The following C4orf50 variants were observed in gnomAD, a reference collection of about 807,000 sequenced individuals.
C4orf50 encodes chromosome 4 open reading frame 50.
A neutral mutation model predicts 77.2 loss-of-function variants in C4orf50; 80 were observed. The ratio of observed to expected loss-of-function variants is 1.04; its 90% CI spans 0.87 to 1.25. C4orf50 has a LOEUF of 1.25. Among genes scored for constraint, C4orf50 ranks in the 50% most tolerant of loss-of-function variants. C4orf50 has a pLI of 0.00. For synonymous variants in C4orf50, 532 were observed against 465.3 expected (o/e 1.14, Z -1.84); for missense variants, 1,257 against 1,152.9 (o/e 1.09, Z -1.31).
At chr4:5,990,686 C>T (rs569891186) in exon 28 of C4orf50, 3 of 399,032 alleles carry the variant, frequency 7.5e-6, no homozygotes, top group Non-Finnish European at 8.8e-6. Flanking sequence ...AAGGCTTCTG[C>T]AGCTGGGTCA....
intron 7 of C4orf50, among the ~76,000 whole-genome samples, chr4:5,920,305 G>T (rs983686967): frequency 6.6e-6 from 1 of 152,134 alleles, no homozygotes; most frequent in Non-Finnish European, 1.5e-5. Context: ...TTTTACATCT[G>T]TGAGGAGGGT....
In C4orf50 at chr4:6,008,153, C is replaced by A; in HGVS notation, c.806G>T (p.Arg269Leu). The A allele has an allele frequency of 2.5e-6, 1 of 398,890 alleles. No individual in the cohort carries two copies. Among genetic ancestry groups the A allele is most frequent in the Non-Finnish European group, 4.4e-6 (1 of 226,010 alleles). 24.7% of individuals were successfully genotyped at this position (398,890 alleles called of 1,614,324 possible). A position where few individuals can be genotyped will look rare whatever the true frequency, so the allele number is the denominator to read the frequency against. ...CTCCTCCAGCTGCCCGCGGAGCTGG[C>A]GCTCGGTGGCCCGGTGCTCCTGCAG... Residue 269 changes from arginine (R) to leucine (L), a missense_variant, in exon 25 of 34, where the codon CGC (arginine) becomes CTC (leucine). Physicochemically the swap from Arg to Leu is moderately radical, Grantham distance 102. Coordinates refer to ENST00000531445, the Ensembl canonical transcript of C4orf50. The surrounding 1 kb of genome is among the most constrained non-coding windows in gnomAD (Gnocchi z 6.0).
At chr4:5,969,742 G>A (rs1719791850) in intron 31 of C4orf50, among the ~76,000 whole-genome samples, 2 of 152,160 alleles carry the variant, frequency 1.3e-5, no homozygotes. Context: ...AAGATAACAG[G>A]TGGCTTAGGT....
intron 7 of C4orf50, among the ~76,000 whole-genome samples, chr4:5,910,936 G>A (rs1417189918): frequency 1.4e-5 from 2 of 137,998 alleles, no homozygotes; most frequent in Non-Finnish European, 3.1e-5. Context: ...TTGAGACGGA[G>A]TCTCTGTCGC....
chr4:5,987,935 A>T (rs1720967647), intron 28 of C4orf50, among the ~76,000 whole-genome samples: 2 of 152,172 alleles, frequency 1.3e-5, no homozygotes, highest in Non-Finnish European at 2.9e-5. Context: ...TCTACAGTCC[A>T]TTGTTCTTTT....
intron 7 of C4orf50, among the ~76,000 whole-genome samples, chr4:5,943,637 C>T (rs537143252): frequency 9.8e-5 from 15 of 152,300 alleles, no homozygotes; most frequent in South Asian, 4.1e-4. Flanking sequence ...CATCAAGAGA[C>T]GCTTTACAAA....
intron 7 of C4orf50, among the ~76,000 whole-genome samples, chr4:5,931,764 C>T (rs1487366032): frequency 6.6e-6 from 1 of 152,062 alleles, no homozygotes; most frequent in African/African-American, 2.4e-5. Context: ...GTTTGCACAC[C>T]CCTCCCTCCC....
intron 33 of C4orf50, among the ~76,000 whole-genome samples, chr4:5,959,907 C>T (rs887317708): frequency 5.9e-5 from 9 of 152,174 alleles, no homozygotes; most frequent in Non-Finnish European, 1.2e-4. Context: ...ACAATACAGT[C>T]ATGAGCGGGC....
chr4:6,004,342 G>T (rs1465701449), intron 25 of C4orf50, among the ~76,000 whole-genome samples: 1 of 127,684 alleles, frequency 7.8e-6, no homozygotes. Flanking sequence ...GATGGTGATG[G>T]TGATGATGAC....
rs745340308 is a variant in C4orf50 at position 5,980,183 on chromosome 4, G to A, written c.3855C>T (p.Leu1285=). 1.9e-5 allele frequency: 30 copies of A among 1,597,766 alleles called. 1 individual carries two copies. In the Middle Eastern group the frequency reaches 7.0e-4, roughly 37 times the overall value. ...AAAGCACTTCCCACACCTTGGCCTG[G>A]AGCTCCTCCTGGAGGCGGGTGGCCT... The change falls in exon 29 of 34, where the codon CTC becomes CTT. Residue 1285 remains leucine (L), a synonymous_variant. Transcript: ENST00000531445.
chr4:6,004,066 G>GTGATGATGC (rs200514129), intron 25 of C4orf50, among the ~76,000 whole-genome samples: 1 of 54,792 alleles, frequency 1.8e-5, no homozygotes, highest in South Asian at 5.4e-4. Flanking sequence ...GGTGATGATG[G>GTGATGATGC]TGATGGTGAT....
intron 26 of C4orf50, among the ~76,000 whole-genome samples, chr4:5,994,062 A>G (rs1721441449): frequency 6.6e-6 from 1 of 152,036 alleles, no homozygotes; most frequent in Non-Finnish European, 1.5e-5. Context: ...CTGGCCTATG[A>G]GGCCCCCTGG....
chr4:5,985,401 T>C (rs1720805263), intron 28 of C4orf50, among the ~76,000 whole-genome samples: 2 of 151,908 alleles, frequency 1.3e-5, no homozygotes, highest in African/African-American at 2.4e-5. Flanking sequence ...AAATAAATAA[T>C]AAAAAGTAAA....
rs78448986 is a variant in C4orf50, at chr4:5,989,721, G to A, written c.2325C>T (p.Ala775=). The stretch of plus-strand genomic sequence containing the variant: ...TGGGTTCGGCCCCTTCAACTGATAA[G>A]GCAAATCTGGGAAACAGTGGCAAAC... The change falls in exon 28 of 34, where the codon GCC becomes GCT. Residue 775 remains alanine (A), a synonymous_variant. Coordinates refer to ENST00000531445, the Ensembl canonical transcript of C4orf50. 222 of 1,535,636 alleles carry A rather than the reference G, an allele frequency of 1.4e-4. 2 individuals carry two copies. In the East Asian group the frequency reaches 5.0e-3, roughly 35 times the overall value.
rs977983518 is a variant in C4orf50 at position 6,007,060 on chromosome 4, G to T, written c.963+936C>A. Among the ~76,000 whole-genome samples, 6 of 152,188 alleles carry T rather than the reference G, an allele frequency of 3.9e-5. No homozygotes were observed. Among genetic ancestry groups the T allele is most frequent in the African/African-American group, 1.4e-4 (6 of 41,428 alleles). On this transcript the variant is annotated intron_variant, in intron 25 of 33. Coordinates refer to ENST00000531445, the Ensembl canonical transcript of C4orf50. This position sits in a 1 kb window ranked among gnomAD's most constrained non-coding sequence, Gnocchi z 4.1. ...TAGCGCAGGGCCTGGCTGTCAGCAG[G>T]AACTCATTGGATGTTGGACAGATGG...
rs1229764691 is a variant in C4orf50 at position 5,916,603 on chromosome 4, G to C, written c.*2475-18415C>G. 6.6e-6 allele frequency among the ~76,000 whole-genome samples: 1 copy of C among 152,208 alleles called. No homozygotes were observed. The highest frequency in any genetic ancestry group is 2.4e-5 in the African/African-American group (1 of 41,448). On this transcript the variant is annotated intron_variant, in intron 7 of 7. Transcript: ENST00000324058. The surrounding 1 kb of genome is among the most constrained non-coding windows in gnomAD (Gnocchi z 4.4). ...CTTGGATTGGGCACCCTCAAAAGCA[G>C]AGCCTGAGACCCAGACAGGGGTGCA...
At chr4:5,906,180 T>C (rs922457523) in intron 7 of C4orf50, among the ~76,000 whole-genome samples, 4 of 149,412 alleles carry the variant, frequency 2.7e-5, no homozygotes, top group South Asian at 4.2e-4. Context: ...TGGCAGGAGA[T>C]GAACCTGTGA....
At chr4:5,904,029 T>C (rs530505208) in intron 7 of C4orf50, 1 of 152,326 alleles carries the variant, frequency 6.6e-6, no homozygotes, top group African/African-American at 2.4e-5. Flanking sequence ...TGCCCCAGGT[T>C]CTGCGGAGAT....
rs1045401414 is a variant in C4orf50 at position 6,009,700 on chromosome 4, T to C, written c.427-1168A>G. On this transcript the variant is annotated intron_variant, in intron 24 of 33. Coordinates refer to ENST00000531445, the Ensembl canonical transcript of C4orf50. This position sits in a 1 kb window ranked among gnomAD's most constrained non-coding sequence, Gnocchi z 5.6. ...AACATTGGCAGCAACAAAGCAAAAC[T>C]GCCATTTGGTACATACAGGTGCAAA... Among the ~76,000 whole-genome samples the C allele has an allele frequency of 1.3e-5, 2 of 152,146 alleles. No homozygotes were observed. The highest frequency in any genetic ancestry group is 2.9e-5 in the Non-Finnish European group (2 of 68,030).
Sources: gnomAD v4.1 joint callset for allele counts (sites outside exome capture counted in the v4.1 genomes callset) on GRCh38, gnomAD v4.1.1 for gene constraint, Gnocchi (gnomAD v3.1) non-coding constraint, MANE v1.5 for transcripts, NCBI Gene and HGNC (gene_info 2026-07-23, HGNC 2026-07-21) for gene names.